XIRP2: variants seen among roughly 807,000 people sequenced by gnomAD.
XIRP2 encodes the protein xin actin binding repeat containing 2, also known as xin actin-binding repeat-containing protein 2.
In XIRP2, 236 loss-of-function variants were observed where a neutral mutation model predicts 277.0. That is an observed-to-expected ratio of 0.85 (90% CI 0.77 to 0.95). XIRP2 has a LOEUF of 0.95. XIRP2 is among the 40% of genes least tolerant of loss of function. The pLI is 0.00. For missense variants in XIRP2, 4,640 were observed against 4,157.5 expected, an observed-to-expected ratio of 1.12 and a Z score of -3.19; for synonymous variants, 1,490 against 1,416.5, an observed-to-expected ratio of 1.05 and a Z score of -1.17.
chr2:167,179,891 T>C (rs370324663), intron 3 of XIRP2, among the ~76,000 whole-genome samples: 1 of 152,072 alleles, frequency 6.6e-6, no homozygotes, highest in African/African-American at 2.4e-5. Flanking sequence ...CAGGTCATCC[T>C]TTCGCCCCAC....
intron 5 of XIRP2, among the ~76,000 whole-genome samples, chr2:167,228,326 A>G (rs1356137257): frequency 6.6e-6 from 1 of 152,180 alleles, no homozygotes; most frequent in Non-Finnish European, 1.5e-5. Context: ...CTTCCTGCAG[A>G]ACCTATTGGT....
intron 2 of XIRP2, among the ~76,000 whole-genome samples, chr2:167,035,651 TAGA>T (rs1389621225): frequency 6.6e-6 from 1 of 152,188 alleles, no homozygotes. Context: ...GACAATGTGA[TAGA>T]AAAGAAAAAC....
intron 2 of XIRP2, among the ~76,000 whole-genome samples, chr2:167,008,750 T>G (rs957673955): frequency 6.6e-6 from 1 of 151,610 alleles, no homozygotes; most frequent in Non-Finnish European, 1.5e-5. Flanking sequence ...TGGACCTTTG[T>G]GCATCCCAAC....
At chr2:167,025,034 A>C (rs1030238141) in intron 2 of XIRP2, among the ~76,000 whole-genome samples, 2 of 152,092 alleles carry the variant, frequency 1.3e-5, no homozygotes, top group South Asian at 2.1e-4. Context: ...GAATGGTACC[A>C]GTTCCTCCTT....
At chr2:167,050,506 A>G (rs1354138164) in intron 2 of XIRP2, among the ~76,000 whole-genome samples, 1 of 152,046 alleles carries the variant, frequency 6.6e-6, no homozygotes, top group Non-Finnish European at 1.5e-5. Flanking sequence ...CTGGGAAATC[A>G]GGGCTATTTT....
At position 167,246,867 on chromosome 2, in the gene XIRP2, GAGTAC is replaced by G. The variant is rs772412067; in HGVS notation, c.5477_5481del (p.Ser1826IlefsTer3). 6.2e-7 allele frequency: 1 copy of G among 1,613,770 alleles called. No individual in the cohort carries two copies. Among genetic ancestry groups the G allele is most frequent in the East Asian group, 2.2e-5 (1 of 44,842 alleles). On this transcript the variant is annotated frameshift_variant, in exon 9 of 11. Transcript: ENST00000409195. LOFTEE classifies it high-confidence loss of function. ...TTAAGGTTTTTATGACCGAGCCTCA[GAGTAC>G]ATTTGGTAAGATACCCAAAGAAGAG...
At chr2:167,076,801 C>G (rs946419541) in intron 2 of XIRP2, among the ~76,000 whole-genome samples, 1 of 152,080 alleles carries the variant, frequency 6.6e-6, no homozygotes, top group Non-Finnish European at 1.5e-5. Flanking sequence ...GTAGCAGCTA[C>G]TATGGTTAGT....
At chr2:167,082,410 G>C (rs2105263515) in intron 2 of XIRP2, among the ~76,000 whole-genome samples, 1 of 151,964 alleles carries the variant, frequency 6.6e-6, no homozygotes, top group Non-Finnish European at 1.5e-5. Context: ...AAACATACAT[G>C]TGCATGTGTC....
chr2:167,249,971 C>G lies in XIRP2; in HGVS notation c.8579C>G (p.Ala2860Gly), dbSNP rs1008348536. Residue 2860 changes from alanine (A) to glycine (G), a missense_variant, in exon 9 of 11, where the codon GCA (alanine) becomes GGA (glycine). Coordinates refer to ENST00000409195, the MANE Select transcript of XIRP2 (RefSeq NM_152381.6). ...PKVVKQKVID[A>G]HLDSQTQNFQ... ...GTCGTCAAGCAAAAGGTTATCGATG[C>G]ACATCTTGATTCACAGACTCAGAAT... The G allele has an allele frequency of 1.2e-6, 2 of 1,613,584 alleles. No homozygotes were observed. The highest frequency in any genetic ancestry group is 1.7e-6 in the Non-Finnish European group (2 of 1,179,682).
chr2:167,247,042 G>A lies in XIRP2; in HGVS notation c.5650G>A (p.Glu1884Lys). The change falls in exon 9 of 11, where the codon GAA (glutamate) becomes AAA (lysine). Residue 1884 changes from glutamate to lysine, a missense_variant. Glu to Lys is a moderately conservative substitution (Grantham distance 56). Coordinates refer to ENST00000409195, the MANE Select transcript of XIRP2 (RefSeq NM_152381.6). ...TAAAGAATCAAGCCATCGATGGAAAGAATCTAAACAGCCTGATGCCATCCC... is the reference window on the plus strand; with the variant it reads ...TAAAGAATCAAGCCATCGATGGAAAAAATCTAAACAGCCTGATGCCATCCC... Reference protein sequence around the residue: ...SLKESSHRWKESKQPDAIPGD... With the variant: ...SLKESSHRWKKSKQPDAIPGD... 4 of 1,613,312 alleles carry A rather than the reference G, an allele frequency of 2.5e-6. No individual in the cohort carries two copies. Among genetic ancestry groups the A allele is most frequent in the Non-Finnish European group, 3.4e-6 (4 of 1,179,682 alleles).
chr2:166,917,475 T>C (rs564584863), intron 2 of XIRP2, among the ~76,000 whole-genome samples: 1 of 152,298 alleles, frequency 6.6e-6, no homozygotes, highest in Non-Finnish European at 1.5e-5. Context: ...CTGCTTCCTG[T>C]CCAGTGTTTT....
intron 2 of XIRP2, among the ~76,000 whole-genome samples, chr2:167,034,504 A>C (rs1481749848): frequency 1.3e-5 from 2 of 150,428 alleles, no homozygotes; most frequent in Non-Finnish European, 2.9e-5. Flanking sequence ...AACAGAAAAA[A>C]AGAAAAAAAA....
At chr2:167,056,201 A>G (rs1689032118) in intron 2 of XIRP2, among the ~76,000 whole-genome samples, 1 of 152,128 alleles carries the variant, frequency 6.6e-6, no homozygotes, top group South Asian at 2.1e-4. Context: ...GACAGCATTT[A>G]TTTCTGGGCA....
chr2:167,135,963 A>G lies in XIRP2; in HGVS notation c.463A>G (p.Ser155Gly). The G allele has an allele frequency of 6.2e-7, 1 of 1,611,644 alleles. No homozygotes were observed. Among genetic ancestry groups the G allele is most frequent in the Non-Finnish European group, 8.5e-7 (1 of 1,178,978 alleles). Residue 155 changes from serine to glycine, a missense_variant, in exon 3 of 11, where the codon AGC becomes GGC. Transcript: ENST00000409195. ...GCCAGCTTTTAAGAGTCACCCTGGG[A>G]GCCAGCTGGAGGATTCTGTGAAAGA... ...CSPAFKSHPGSQLEDSVKDSD... is the reference protein window; with the variant it reads ...CSPAFKSHPGGQLEDSVKDSD...
At chr2:167,223,167 A>G (rs540306424) in intron 5 of XIRP2, among the ~76,000 whole-genome samples, 26 of 151,888 alleles carry the variant, frequency 1.7e-4, no homozygotes, top group African/African-American at 5.8e-4. Context: ...CTCTTTGTGT[A>G]TTATTTTGTG....
At chr2:166,912,879 C>CT (rs148683673) in intron 2 of XIRP2, among the ~76,000 whole-genome samples, 1 of 151,836 alleles carries the variant, frequency 6.6e-6, no homozygotes, top group South Asian at 2.1e-4. Context: ...CACTCGAGAC[C>CT]GTTTCCCTGG....
chr2:167,200,117 A>T (rs997782360), intron 3 of XIRP2, among the ~76,000 whole-genome samples: 2 of 152,364 alleles, frequency 1.3e-5, no homozygotes, highest in East Asian at 3.9e-4. Flanking sequence ...CTAACCAAAC[A>T]TAACAATATA....
intron 2 of XIRP2, among the ~76,000 whole-genome samples, chr2:166,982,095 G>T (rs1003332046): frequency 3.3e-5 from 5 of 151,834 alleles, no homozygotes; most frequent in African/African-American, 1.2e-4. Flanking sequence ...CATTTTTCTT[G>T]AAGGATATTT....
At chr2:167,223,811 G>T (rs1369541958) in intron 5 of XIRP2, among the ~76,000 whole-genome samples, 2 of 152,120 alleles carry the variant, frequency 1.3e-5, no homozygotes, top group African/African-American at 2.4e-5. Context: ...CTATTTTAAA[G>T]TGATTCTTAT....
Sources: gnomAD v4.1 joint callset for allele counts (sites outside exome capture counted in the v4.1 genomes callset) on GRCh38, gnomAD v4.1.1 for gene constraint, MANE v1.5 for transcripts, NCBI Gene and HGNC (gene_info 2026-07-23, HGNC 2026-07-21) for gene names.